Variants in THSD7B observed in about 807,000 individuals in gnomAD.
THSD7B encodes thrombospondin type-1 domain-containing protein 7B.
In THSD7B, 138 loss-of-function variants were observed where a neutral mutation model predicts 213.6. The ratio of observed to expected loss-of-function variants is 0.65; its 90% CI spans 0.56 to 0.74. THSD7B has a LOEUF of 0.74. Ranked by LOEUF, THSD7B falls within the 30% of genes least tolerant of loss-of-function variation. The pLI, the probability that THSD7B is intolerant of heterozygous loss-of-function variation, is 0.00. For synonymous variants in THSD7B, 742 were observed against 687.0 expected, an observed-to-expected ratio of 1.08 and a Z score of -1.25; for missense variants, 1,931 against 1,991.5, an observed-to-expected ratio of 0.97 and a Z score of 0.58.
intron 15 of THSD7B, among the ~76,000 whole-genome samples, chr2:137,505,627 A>T (rs964198952): frequency 1.3e-5 from 2 of 152,248 alleles, no homozygotes; most frequent in African/African-American, 4.8e-5. Flanking sequence ...CAGAGTGGCA[A>T]CTTTGCATAA....
chr2:137,399,225 C>T (rs1214383537), intron 12 of THSD7B, among the ~76,000 whole-genome samples: 1 of 146,642 alleles, frequency 6.8e-6, no homozygotes, highest in Admixed American at 6.8e-5. Flanking sequence ...ACAAGTCTTG[C>T]TCTGTTTCCC....
chr2:137,068,834 A>C lies in THSD7B; in HGVS notation c.950+11604A>C, dbSNP rs577016463. Among the ~76,000 whole-genome samples the C allele has an allele frequency of 9.8e-4, 149 of 152,022 alleles. 1 individual carries two copies. Among genetic ancestry groups the C allele is most frequent in the African/African-American group, 3.5e-3 (145 of 41,500 alleles). On this transcript the variant is annotated intron_variant, in intron 3 of 27. Coordinates refer to ENST00000409968, the MANE Select transcript of THSD7B (RefSeq NM_001316349.2). ...TTGATTATGGCTACTGTTGGTTATTATGTCATTTGGAACAGGAAGAGCTTG... is the reference window on the plus strand; with the variant it reads ...TTGATTATGGCTACTGTTGGTTATTCTGTCATTTGGAACAGGAAGAGCTTG...
intron 7 of THSD7B, among the ~76,000 whole-genome samples, chr2:137,173,774 C>T (rs576438213): frequency 6.6e-6 from 1 of 152,208 alleles, no homozygotes; most frequent in South Asian, 2.1e-4. Flanking sequence ...GGTTCAGCTT[C>T]AGTGTGAATC....
At chr2:137,178,594 C>G (rs760819170) in intron 7 of THSD7B, among the ~76,000 whole-genome samples, 13 of 152,142 alleles carry the variant, frequency 8.5e-5, no homozygotes, top group Non-Finnish European at 1.9e-4. Flanking sequence ...AGATGAAACT[C>G]TAATAATGTT....
chr2:136,863,491 C>T (rs181563617), intron 1 of THSD7B, among the ~76,000 whole-genome samples: 90 of 152,326 alleles, frequency 5.9e-4, no homozygotes, highest in African/African-American at 1.9e-3. Context: ...CCATACCACC[C>T]GGAACACGCC....
At chr2:137,540,326 C>T (rs1249256810) in intron 15 of THSD7B, among the ~76,000 whole-genome samples, 13 of 151,794 alleles carry the variant, frequency 8.6e-5, no homozygotes, top group Middle Eastern at 3.4e-3. Context: ...TCATAGAATT[C>T]TGGAAGTAAA....
intron 20 of THSD7B, among the ~76,000 whole-genome samples, chr2:137,622,041 C>G (rs546254268): frequency 1.3e-5 from 2 of 152,226 alleles, no homozygotes; most frequent in Admixed American, 6.5e-5. Flanking sequence ...CTCACTCGCC[C>G]CCAGGGAGGG....
intron 3 of THSD7B, among the ~76,000 whole-genome samples, chr2:137,094,226 C>A (rs1239969373): frequency 6.6e-6 from 1 of 152,184 alleles, no homozygotes; most frequent in Non-Finnish European, 1.5e-5. Flanking sequence ...AGTTGTGACA[C>A]CTGAAAACCA....
chr2:137,547,946 G>A (rs1680773592), intron 15 of THSD7B, among the ~76,000 whole-genome samples: 1 of 151,942 alleles, frequency 6.6e-6, no homozygotes, highest in South Asian at 2.1e-4. Flanking sequence ...TGTGATCCTG[G>A]AATTCAGGTC....
chr2:137,101,901 T>A (rs1405568139), intron 4 of THSD7B, among the ~76,000 whole-genome samples: 1 of 152,222 alleles, frequency 6.6e-6, no homozygotes, highest in East Asian at 1.9e-4. Flanking sequence ...CAGGGGCTTA[T>A]AGATAAAACT....
At chr2:137,545,879 CTGTAGTTA>C (rs1372546257) in intron 15 of THSD7B, among the ~76,000 whole-genome samples, 1 of 151,770 alleles carries the variant, frequency 6.6e-6, no homozygotes. Flanking sequence ...CAGGGTCTGC[CTGTAGTTA>C]TGCATGGTGA....
At chr2:136,796,396 G>T (rs2710188) in intron 1 of THSD7B, among the ~76,000 whole-genome samples, 20,908 of 151,802 alleles carry the variant, frequency 0.14, 1,661 homozygotes, top group South Asian at 0.2. Context: ...TTTTGACCTC[G>T]CATGGAAACT....
intron 1 of THSD7B, among the ~76,000 whole-genome samples, chr2:136,816,677 A>G (rs1300127749): frequency 6.6e-6 from 1 of 152,250 alleles, no homozygotes; most frequent in East Asian, 1.9e-4. Flanking sequence ...GTAAGACAAT[A>G]TGTAATGCCA....
At chr2:137,225,212 A>G (rs1234290322) in intron 7 of THSD7B, among the ~76,000 whole-genome samples, 1 of 152,102 alleles carries the variant, frequency 6.6e-6, no homozygotes, top group Non-Finnish European at 1.5e-5. Context: ...GTATTCTATC[A>G]CTTCCTCCCA....
At position 137,179,330 on chromosome 2, in the gene THSD7B, G is replaced by A. The variant is rs565505566; in HGVS notation, c.1723+8392G>A. Among the ~76,000 whole-genome samples the A allele has an allele frequency of 1.7e-4, 26 of 152,156 alleles. No individual in the cohort carries two copies. In the South Asian group the frequency reaches 4.8e-3, roughly 28 times the overall value. On this transcript the variant is annotated intron_variant, in intron 7 of 27. Coordinates refer to ENST00000409968, the MANE Select transcript of THSD7B (RefSeq NM_001316349.2). The stretch of plus-strand genomic sequence containing the variant: ...GGACACAGTTTTGTTTTCACTTTCT[G>A]AAATGTATTTTAAAGTGGTATTTTG...
chr2:137,453,172 A>T (rs1687685853), intron 15 of THSD7B, among the ~76,000 whole-genome samples: 1 of 152,120 alleles, frequency 6.6e-6, no homozygotes, highest in South Asian at 2.1e-4. Flanking sequence ...TATGTTATAT[A>T]TTAAAAAAAA....
At chr2:137,461,627 T>C (rs1687887908) in intron 15 of THSD7B, among the ~76,000 whole-genome samples, 1 of 152,150 alleles carries the variant, frequency 6.6e-6, no homozygotes, top group East Asian at 1.9e-4. Flanking sequence ...TACAGAAACC[T>C]TAATTTTCTA....
intron 6 of THSD7B, among the ~76,000 whole-genome samples, chr2:137,168,243 G>A (rs1680174542): frequency 6.6e-6 from 1 of 152,130 alleles, no homozygotes; most frequent in Non-Finnish European, 1.5e-5. Context: ...GGAAAGTGAT[G>A]TGCAAATGAC....
At chr2:137,164,264 C>G (rs1043795836) in intron 6 of THSD7B, among the ~76,000 whole-genome samples, 11 of 152,030 alleles carry the variant, frequency 7.2e-5, no homozygotes, top group Non-Finnish European at 1.5e-5. Flanking sequence ...GGAGACTCAG[C>G]CTTTGAAAAG....
Sources: gnomAD v4.1 joint callset for allele counts (sites outside exome capture counted in the v4.1 genomes callset) on GRCh38, gnomAD v4.1.1 for gene constraint, MANE v1.5 for transcripts, NCBI Gene and HGNC (gene_info 2026-07-23, HGNC 2026-07-21) for gene names.